RIT2: variants seen among roughly 807,000 people sequenced by gnomAD.
The protein encoded by RIT2 is Ras like without CAAX 2.
A neutral mutation model predicts 23.7 loss-of-function variants in RIT2; 24 were observed. That is an observed-to-expected ratio of 1.01 (90% CI 0.73 to 1.43). RIT2 has a LOEUF of 1.43. Ranked by LOEUF, RIT2 falls within the 40% of genes most tolerant of loss-of-function variation. RIT2 has a pLI of 0.00. For synonymous variants in RIT2, 107 were observed against 91.1 expected (o/e 1.17, Z -0.99); for missense variants, 236 against 266.9 (o/e 0.88, Z 0.81).
At chr18:42,820,992 CT>C (rs2143992047) in intron 4 of RIT2, among the ~76,000 whole-genome samples, 1 of 152,234 alleles carries the variant, frequency 6.6e-6, no homozygotes, top group East Asian at 1.9e-4. Context: ...AGTCAAGCTT[CT>C]CTTTGTTCTC....
rs995464290 is a variant in RIT2 at position 42,762,209 on chromosome 18, T to C, written c.427-18489A>G. 8.5e-4 allele frequency among the ~76,000 whole-genome samples: 130 copies of C among 152,244 alleles called. 7 individuals are homozygous for C. The highest frequency in any genetic ancestry group is 5.9e-5 in the Non-Finnish European group (4 of 68,048). Reference sequence around the variant, plus strand: ...AATAACCCTCCCCTCCATTTCCTTCTGTACAATAACTCTTCTAATATGGAA... The same window carrying C: ...AATAACCCTCCCCTCCATTTCCTTCCGTACAATAACTCTTCTAATATGGAA... On this transcript the variant is annotated intron_variant, in intron 4 of 4. Coordinates refer to ENST00000326695, the MANE Select transcript of RIT2 (RefSeq NM_002930.4).
intron 1 of RIT2, among the ~76,000 whole-genome samples, chr18:43,068,683 A>T (rs1387482777): frequency 6.6e-6 from 1 of 152,168 alleles, no homozygotes; most frequent in East Asian, 1.9e-4. Flanking sequence ...ATGTCTTCAC[A>T]GTCTAGCTTC....
chr18:43,095,823 T>A (rs981215021), intron 1 of RIT2, among the ~76,000 whole-genome samples: 2 of 151,996 alleles, frequency 1.3e-5, no homozygotes, highest in African/African-American at 4.8e-5. Flanking sequence ...CTGGAAATAC[T>A]TATGTACAGA....
chr18:42,833,506 ACT>A (rs1906517818), intron 4 of RIT2, among the ~76,000 whole-genome samples: 1 of 152,158 alleles, frequency 6.6e-6, no homozygotes, highest in Non-Finnish European at 1.5e-5. Flanking sequence ...GAGAGGATAA[ACT>A]CTATGGGCAC....
intron 4 of RIT2, among the ~76,000 whole-genome samples, chr18:42,804,757 CT>C (rs1299225111): frequency 6.6e-6 from 1 of 152,018 alleles, no homozygotes; most frequent in Non-Finnish European, 1.5e-5. Flanking sequence ...ACTTGAGGGT[CT>C]TTACCATCAT....
chr18:42,906,952 A>G (rs994814889), intron 4 of RIT2, among the ~76,000 whole-genome samples: 3 of 152,152 alleles, frequency 2.0e-5, no homozygotes, highest in African/African-American at 7.2e-5. Flanking sequence ...TGGAGGAGGC[A>G]CTCAGTAATT....
intron 4 of RIT2, among the ~76,000 whole-genome samples, chr18:42,771,625 A>G (rs551488271): frequency 8.5e-5 from 13 of 152,196 alleles, no homozygotes; most frequent in Non-Finnish European, 1.6e-4. Context: ...GAACAAATAC[A>G]TGGAGGGTGT....
At chr18:42,978,429 T>C (rs1910523139) in intron 2 of RIT2, among the ~76,000 whole-genome samples, 1 of 152,026 alleles carries the variant, frequency 6.6e-6, no homozygotes, top group African/African-American at 2.4e-5. Context: ...AAACAATCTT[T>C]CTGTTTCCAT....
chr18:42,995,560 C>T (rs1469029950), intron 2 of RIT2, among the ~76,000 whole-genome samples: 2 of 152,120 alleles, frequency 1.3e-5, no homozygotes, highest in Non-Finnish European at 2.9e-5. Flanking sequence ...TTTTCAGGCT[C>T]TTGGTATTCA....
At chr18:43,051,977 A>G (rs1474507913) in intron 1 of RIT2, among the ~76,000 whole-genome samples, 1 of 152,050 alleles carries the variant, frequency 6.6e-6, no homozygotes, top group Non-Finnish European at 1.5e-5. Context: ...AAGCCTGTAC[A>G]TATCCTGTAT....
chr18:42,748,188 T>A (rs998916746), intron 4 of RIT2, among the ~76,000 whole-genome samples: 3 of 151,838 alleles, frequency 2.0e-5, no homozygotes, highest in Non-Finnish European at 2.9e-5. Context: ...AGTCTATACA[T>A]TTGACAAAAG....
At chr18:42,826,440 C>A (rs979731763) in intron 4 of RIT2, among the ~76,000 whole-genome samples, 6 of 151,930 alleles carry the variant, frequency 3.9e-5, no homozygotes, top group Non-Finnish European at 7.4e-5. Flanking sequence ...TGCAAAAAAA[C>A]ATTTCATAAA....
chr18:42,928,575 G>A (rs1351740374), intron 3 of RIT2, among the ~76,000 whole-genome samples: 2 of 151,928 alleles, frequency 1.3e-5, no homozygotes, highest in Non-Finnish European at 2.9e-5. Flanking sequence ...TCATGTGATT[G>A]TTGTTTCTTT....
At chr18:42,861,441 C>G (rs922845615) in intron 4 of RIT2, among the ~76,000 whole-genome samples, 13 of 152,202 alleles carry the variant, frequency 8.5e-5, no homozygotes, top group African/African-American at 3.1e-4. Context: ...CTCAACTTCC[C>G]CTTTTCTTTC....
intron 3 of RIT2, among the ~76,000 whole-genome samples, chr18:42,928,017 C>A (rs1307905204): frequency 2.6e-5 from 4 of 151,976 alleles, no homozygotes; most frequent in Admixed American, 2.6e-4. Context: ...ATTCAAAAAG[C>A]ACTAGCACTA....
At chr18:42,809,596 G>A (rs1905779829) in intron 4 of RIT2, among the ~76,000 whole-genome samples, 1 of 151,620 alleles carries the variant, frequency 6.6e-6, no homozygotes, top group South Asian at 2.1e-4. Context: ...ATACAGTTTT[G>A]TATGAATATA....
chr18:42,829,373 T>C (rs527425597), intron 4 of RIT2, among the ~76,000 whole-genome samples: 29 of 152,338 alleles, frequency 1.9e-4, no homozygotes, highest in Admixed American at 1.9e-3. Flanking sequence ...CTGGATAGTA[T>C]GACACACCAG....
chr18:42,942,144 T>C (rs1009829261), intron 3 of RIT2, among the ~76,000 whole-genome samples: 4 of 151,850 alleles, frequency 2.6e-5, no homozygotes, highest in Non-Finnish European at 5.9e-5. Context: ...CTTACACTGA[T>C]TTGCCCTTTG....
At chr18:43,073,223 T>G (rs1912937641) in intron 1 of RIT2, among the ~76,000 whole-genome samples, 1 of 152,228 alleles carries the variant, frequency 6.6e-6, no homozygotes, top group South Asian at 2.1e-4. Flanking sequence ...TTGGTTAGCA[T>G]GAGATCAGTC....
Sources: allele counts gnomAD v4.1 joint callset (sites outside exome capture counted in the v4.1 genomes callset), GRCh38; gene constraint gnomAD v4.1.1; transcripts MANE v1.5; gene names NCBI Gene and HGNC (gene_info 2026-07-23, HGNC 2026-07-21).